The following YES1 variants were observed in gnomAD, a reference collection of about 807,000 sequenced individuals.
YES1 encodes tyrosine-protein kinase Yes.
YES1 carries 39 observed loss-of-function variants against 70.4 expected under a neutral mutation model. The observed-to-expected ratio is 0.55, with a 90% CI of 0.43 to 0.72. The LOEUF is 0.72. Among genes scored for constraint, YES1 ranks in the 30% least tolerant of loss-of-function variants. The pLI is 0.00. For synonymous variants in YES1, 198 were observed against 218.6 expected, an observed-to-expected ratio of 0.91 and a Z score of 0.83; for missense variants, 495 against 644.8, an observed-to-expected ratio of 0.77 and a Z score of 2.52.
intron 1 of YES1, among the ~76,000 whole-genome samples, chr18:786,487 A>G (rs1414726980): frequency 3.1e-5 from 4 of 128,676 alleles, no homozygotes; most frequent in African/African-American, 9.3e-5. Context: ...ATCATCATTA[A>G]TAAGTCCATA....
chr18:774,594 C>A (rs930419381), intron 1 of YES1, among the ~76,000 whole-genome samples: 3 of 152,104 alleles, frequency 2.0e-5, no homozygotes, highest in Non-Finnish European at 2.9e-5. Flanking sequence ...CCTCAGTAAC[C>A]CCCCGGCCCT....
chr18:732,141 T>C (rs746370293), intron 11 of YES1, among the ~76,000 whole-genome samples: 1 of 150,288 alleles, frequency 6.7e-6, no homozygotes, highest in Non-Finnish European at 1.5e-5. Flanking sequence ...AAGTACATAT[T>C]TAAAAAAATA....
chr18:778,762 C>T (rs765082523), intron 1 of YES1, among the ~76,000 whole-genome samples: 4 of 152,120 alleles, frequency 2.6e-5, no homozygotes, highest in Admixed American at 6.6e-5. Flanking sequence ...TAAATCCCCT[C>T]CCTTAAGCAT....
At chr18:728,186 G>A (rs2145664796) in intron 11 of YES1, among the ~76,000 whole-genome samples, 1 of 152,052 alleles carries the variant, frequency 6.6e-6, no homozygotes, top group Middle Eastern at 3.4e-3. Context: ...AATTAGCTAG[G>A]TGGATGGCAC....
chr18:751,380 C>A (rs116990357), intron 3 of YES1, among the ~76,000 whole-genome samples: 97 of 152,032 alleles, frequency 6.4e-4, no homozygotes, highest in Non-Finnish European at 1.0e-3. Context: ...CCATCTGGTA[C>A]TTAGAAAAAT....
At chr18:758,950 G>T (rs1904433445) in intron 1 of YES1, among the ~76,000 whole-genome samples, 1 of 152,164 alleles carries the variant, frequency 6.6e-6, no homozygotes, top group African/African-American at 2.4e-5. Context: ...ATTCTTATTT[G>T]TATAGTTTTT....
chr18:804,191 T>C (rs889194172), intron 1 of YES1, among the ~76,000 whole-genome samples: 2 of 152,260 alleles, frequency 1.3e-5, no homozygotes, highest in Admixed American at 6.5e-5. Context: ...ATTTTGATGA[T>C]AGTGGCTATT....
At chr18:787,786 A>G (rs1430281412) in intron 1 of YES1, 2 of 152,194 alleles carry the variant, frequency 1.3e-5, no homozygotes, top group Admixed American at 6.5e-5. Context: ...AATGATAAAT[A>G]CTGATCAAAA....
At chr18:732,185 T>C (rs959184184) in intron 11 of YES1, among the ~76,000 whole-genome samples, 11 of 152,036 alleles carry the variant, frequency 7.2e-5, no homozygotes, top group African/African-American at 2.7e-4. Context: ...ACGCCTGTAA[T>C]CCCAGCACTT....
intron 1 of YES1, among the ~76,000 whole-genome samples, chr18:804,186 G>T (rs1236478271): frequency 6.6e-6 from 1 of 152,174 alleles, no homozygotes; most frequent in African/African-American, 2.4e-5. Flanking sequence ...TGTAAATTTT[G>T]ATGATAGTGG....
chr18:740,691 A>C (rs891397145), intron 8 of YES1, among the ~76,000 whole-genome samples: 1 of 152,232 alleles, frequency 6.6e-6, no homozygotes, highest in African/African-American at 2.4e-5. Flanking sequence ...ATGAGGAATT[A>C]AAGAGTTTTA....
At chr18:729,794 T>A (rs2080066644) in intron 11 of YES1, among the ~76,000 whole-genome samples, 1 of 151,948 alleles carries the variant, frequency 6.6e-6, no homozygotes, top group African/African-American at 2.4e-5. Flanking sequence ...GGCTGGCTAA[T>A]TTTTGTATTT....
intron 10 of YES1, among the ~76,000 whole-genome samples, chr18:734,350 T>C (rs950543918): frequency 2.7e-5 from 4 of 150,444 alleles, no homozygotes; most frequent in Non-Finnish European, 5.9e-5. Flanking sequence ...GTCAGGAGAT[T>C]GAGACCATCC....
At position 779,193 on chromosome 18, in the gene YES1, G is replaced by A. The variant is rs4798578; in HGVS notation, c.-8-22358C>T. ...GAGGTGGGAGAATCACTTGAGTCCA[G>A]CAGTTCAGGACCAGCCTGGGCAACA... On this transcript the variant is annotated intron_variant, in intron 1 of 11. Coordinates refer to ENST00000314574, the MANE Select transcript of YES1 (RefSeq NM_005433.4). 4.7e-3 allele frequency among the ~76,000 whole-genome samples: 717 copies of A among 152,164 alleles called. 7 individuals carry two copies. Among genetic ancestry groups the A allele is most frequent in the Non-Finnish European group, 7.5e-3 (507 of 67,988 alleles).
intron 1 of YES1, chr18:788,041 T>C (rs905939533): frequency 3.9e-5 from 6 of 152,188 alleles, no homozygotes; most frequent in Admixed American, 3.3e-4. Context: ...ACGCTGACTG[T>C]TTCCAGCCAT....
intron 11 of YES1, 128 bp downstream of exon 11, chr18:732,706 G>A (rs1651649551): frequency 1.1e-5 from 14 of 1,220,668 alleles, no homozygotes; most frequent in Non-Finnish European, 1.6e-5. Flanking sequence ...GGAAGGAGTG[G>A]GGAGAGGGAG....
intron 1 of YES1, among the ~76,000 whole-genome samples, chr18:780,701 A>C (rs1361730128): frequency 6.6e-6 from 1 of 152,086 alleles, no homozygotes; most frequent in African/African-American, 2.4e-5. Flanking sequence ...TAATCTCTAG[A>C]ATTCTTCCAT....
chr18:777,478 T>C (rs1338938474), intron 1 of YES1, among the ~76,000 whole-genome samples: 1 of 152,088 alleles, frequency 6.6e-6, no homozygotes, highest in Non-Finnish European at 1.5e-5. Context: ...ATATGAAAAA[T>C]TTTCAACTTT....
intron 3 of YES1, among the ~76,000 whole-genome samples, chr18:749,272 T>C (rs955474788): frequency 1.2e-4 from 18 of 151,710 alleles, no homozygotes; most frequent in African/African-American, 2.9e-4. Context: ...GGTGGGCAGA[T>C]TACCTGAGGT....
Sources: allele counts gnomAD v4.1 joint callset (sites outside exome capture counted in the v4.1 genomes callset), GRCh38; gene constraint gnomAD v4.1.1; transcripts MANE v1.5; gene names NCBI Gene and HGNC (gene_info 2026-07-23, HGNC 2026-07-21).